Variants in TBC1D16 observed in about 807,000 individuals in gnomAD.
TBC1D16 encodes the protein TBC1 domain family member 16.
TBC1D16 carries 58 observed loss-of-function variants against 74.7 expected under a neutral mutation model. The ratio of observed to expected loss-of-function variants is 0.78; its 90% CI spans 0.63 to 0.97. The LOEUF (loss-of-function observed/expected upper bound fraction) is 0.97, where lower values mean the gene tolerates loss of function less well. Ranked by LOEUF, TBC1D16 falls within the 50% of genes least tolerant of loss-of-function variation. The probability of loss-of-function intolerance (pLI) is 0.00; values close to 1 mark genes in which losing one functional copy is unlikely to be tolerated. For missense variants in TBC1D16, 1,014 were observed against 1,079.5 expected (o/e 0.94, Z 0.85); for synonymous variants, 493 against 474.7 (o/e 1.04, Z -0.50).
intron 3 of TBC1D16, among the ~76,000 whole-genome samples, chr17:79,970,769 G>C (rs553398642): frequency 6.6e-6 from 1 of 152,302 alleles, no homozygotes; most frequent in Admixed American, 6.5e-5. Flanking sequence ...AGCTAGCAGA[G>C]AGCCCAGGGG....
chr17:79,973,031 G>A (rs764705063), intron 3 of TBC1D16, among the ~76,000 whole-genome samples: 2 of 152,114 alleles, frequency 1.3e-5, no homozygotes, highest in Non-Finnish European at 1.5e-5. Context: ...GCAGTGAGCC[G>A]AGATCGTCCT....
At chr17:79,942,337 G>A (rs1598310618) in intron 10 of TBC1D16, 131 bp from the exon 11 acceptor site, 2 of 980,002 alleles carry the variant, frequency 2.0e-6, no homozygotes, top group Admixed American at 2.8e-5. Flanking sequence ...CCCAGCTCGG[G>A]GGCCGTGTGG....
At position 79,937,154 on chromosome 17, in the gene TBC1D16, T is replaced by G. The variant is rs1385268814; in HGVS notation, c.*3705A>C. The stretch of plus-strand genomic sequence containing the variant: ...GGGAAGCTGCACGAGGAGCAAGATT[T>G]CATTCCCCAGAGGGCACAGCTTGGG... On this transcript the variant is annotated 3_prime_UTR_variant, in exon 12 of 12. Transcript: ENST00000310924. The G allele has an allele frequency of 1.3e-5, 2 of 152,042 alleles. No homozygotes were observed. The highest frequency in any genetic ancestry group is 4.8e-5 in the African/African-American group (2 of 41,386). 9.4% of individuals were successfully genotyped at this position (152,042 alleles called of 1,614,324 possible).
Position 79,985,317 on chromosome 17 carries a change from C to T in TBC1D16, c.779+24843G>A, listed in dbSNP as rs1212967404. 6.6e-6 allele frequency among the ~76,000 whole-genome samples: 1 copy of T among 152,208 alleles called. No individual in the cohort carries two copies. The highest frequency in any genetic ancestry group is 1.5e-5 in the Non-Finnish European group (1 of 68,042). ...CTCAACTGGATCCTTCCCTTGATCC[C>T]ATCAGCAAAGACCCTATTTCCAAAT... On this transcript the variant is annotated intron_variant, in intron 3 of 11. Coordinates refer to ENST00000310924, the MANE Select transcript of TBC1D16 (RefSeq NM_019020.4). The surrounding 1 kb of genome is among the most constrained non-coding windows in gnomAD (Gnocchi z 4.9).
intron 3 of TBC1D16, among the ~76,000 whole-genome samples, chr17:79,995,982 C>A (rs947105875): frequency 2.0e-5 from 3 of 152,062 alleles, no homozygotes; most frequent in African/African-American, 7.2e-5. Flanking sequence ...ATTTGCAATC[C>A]TCATATCTAG....
chr17:79,949,700 C>T lies in TBC1D16; in HGVS notation c.1406+17G>A, dbSNP rs1474565046. On this transcript the variant is annotated intron_variant, in intron 7 of 11. Transcript: ENST00000310924. ...CCGCGGCTCGGCGGGGTGGGCCGGG[C>T]TGGCCCCGGCGGTTACCTTTTCTGC... The T allele has an allele frequency of 1.3e-6, 2 of 1,594,418 alleles. No individual in the cohort carries two copies. The highest frequency in any genetic ancestry group is 1.7e-6 in the Non-Finnish European group (2 of 1,167,302).
At chr17:80,030,783 G>A (rs1000290714) in intron 1 of TBC1D16, among the ~76,000 whole-genome samples, 5 of 152,014 alleles carry the variant, frequency 3.3e-5, no homozygotes, top group African/African-American at 9.7e-5. Flanking sequence ...AGGCAGGCAG[G>A]GTGTGGGGGC....
intron 3 of TBC1D16, among the ~76,000 whole-genome samples, chr17:80,002,510 G>A (rs979491511): frequency 1.3e-5 from 2 of 152,202 alleles, no homozygotes; most frequent in East Asian, 1.9e-4. Context: ...TTGTGCCATC[G>A]CCCCCATGAC....
At chr17:79,966,289 A>G (rs2033839438) in intron 3 of TBC1D16, among the ~76,000 whole-genome samples, 1 of 152,054 alleles carries the variant, frequency 6.6e-6, no homozygotes, top group African/African-American at 2.4e-5. Flanking sequence ...GCCTCATCTT[A>G]ACTAATTGCA....
chr17:80,021,050 C>A (rs2036265217), intron 1 of TBC1D16, among the ~76,000 whole-genome samples: 1 of 149,770 alleles, frequency 6.7e-6, no homozygotes, highest in Non-Finnish European at 1.5e-5. Flanking sequence ...GTCGGGAGTT[C>A]GACACCAGCC....
chr17:80,019,691 ACACT>A (rs1598435757), intron 1 of TBC1D16, among the ~76,000 whole-genome samples: 1 of 149,824 alleles, frequency 6.7e-6, no homozygotes, highest in Non-Finnish European at 1.5e-5. Flanking sequence ...GTTATGAAAC[ACACT>A]CAGAGAAGGA....
chr17:79,999,237 G>C (rs1393523545), intron 3 of TBC1D16, among the ~76,000 whole-genome samples: 4 of 151,450 alleles, frequency 2.6e-5, no homozygotes, highest in African/African-American at 7.3e-5. Context: ...GCCTGGGCGA[G>C]AGAGTGAGAC....
Position 79,952,730 on chromosome 17 carries a change from A to G in TBC1D16, c.868T>C (p.Cys290Arg), listed in dbSNP as rs933945409. The change falls in exon 4 of 12, where the codon TGC becomes CGC. Residue 290 changes from cysteine to arginine, a missense_variant. Cys to Arg is a radical substitution (Grantham distance 180). Transcript: ENST00000310924. ...ACGCCGCAAATCTGCTCCAGGGCGC[A>G]CACCCGCTGCGGCTCGTCCCAGCGT... Reference protein sequence around the residue: ...TPRWDEPQRVCALEQICGVFR... With the variant: ...TPRWDEPQRVRALEQICGVFR... 2.5e-6 allele frequency: 4 copies of G among 1,612,336 alleles called. No homozygotes were observed. Among genetic ancestry groups the G allele is most frequent in the Non-Finnish European group, 3.4e-6 (4 of 1,179,342 alleles).
rs2036985157 is a variant in TBC1D16, at chr17:80,035,793, A to C, written c.-63+2T>G. 7.1e-6 allele frequency: 1 copy of C among 140,740 alleles called. No individual in the cohort carries two copies. Among genetic ancestry groups the C allele is most frequent in the Non-Finnish European group, 1.6e-5 (1 of 63,900 alleles). 8.7% of individuals were successfully genotyped at this position (140,740 alleles called of 1,614,324 possible). On this transcript the variant is annotated splice_donor_variant, in intron 1 of 11. Coordinates refer to ENST00000310924, the MANE Select transcript of TBC1D16 (RefSeq NM_019020.4). LOFTEE classifies it low-confidence loss of function (5UTR_SPLICE). The surrounding 1 kb of genome is among the most constrained non-coding windows in gnomAD (Gnocchi z 5.3). ...CGGCCCCGTCCGGGCCCCGATACCCACCCGGGTCCCGCTGCGGGGGCCGGA... is the reference window on the plus strand; with the variant it reads ...CGGCCCCGTCCGGGCCCCGATACCCCCCCGGGTCCCGCTGCGGGGGCCGGA...
chr17:79,976,579 GA>G (rs767546407), intron 3 of TBC1D16, among the ~76,000 whole-genome samples: 2 of 152,196 alleles, frequency 1.3e-5, no homozygotes, highest in Non-Finnish European at 2.9e-5. Flanking sequence ...ACCGTGCAAA[GA>G]CCAGCTTAGG....
intron 3 of TBC1D16, among the ~76,000 whole-genome samples, chr17:79,965,547 C>A (rs1405010250): frequency 1.3e-5 from 2 of 152,184 alleles, no homozygotes; most frequent in African/African-American, 2.4e-5. Context: ...GCTTTGAAGA[C>A]TTCCTTACAT....
chr17:79,972,378 T>C (rs542482812), intron 3 of TBC1D16, among the ~76,000 whole-genome samples: 6 of 152,216 alleles, frequency 3.9e-5, no homozygotes, highest in East Asian at 3.9e-4. Context: ...GGTTTCACCA[T>C]GTTGGCCACG....
intron 3 of TBC1D16, among the ~76,000 whole-genome samples, chr17:79,957,584 C>T (rs925223290): frequency 6.6e-6 from 1 of 152,096 alleles, no homozygotes; most frequent in Non-Finnish European, 1.5e-5. Flanking sequence ...ACTTTTAGGG[C>T]AGTGACACAC....
At chr17:80,013,646 G>T (rs771848182) in intron 1 of TBC1D16, 37 bp from the exon 2 acceptor site, 5 of 1,311,354 alleles carry the variant, frequency 3.8e-6, no homozygotes, top group Non-Finnish European at 5.1e-6. Flanking sequence ...TCAAGGTTGT[G>T]GACTTGCGTT....
Sources: gnomAD v4.1 joint callset for allele counts (sites outside exome capture counted in the v4.1 genomes callset) on GRCh38, gnomAD v4.1.1 for gene constraint, Gnocchi (gnomAD v3.1) non-coding constraint, MANE v1.5 for transcripts, NCBI Gene and HGNC (gene_info 2026-07-23, HGNC 2026-07-21) for gene names.